Variants in SCARA3 observed in about 807,000 individuals in gnomAD.
The protein encoded by SCARA3 is cellular stress response gene protein.
SCARA3 carries 39 observed loss-of-function variants against 47.0 expected under a neutral mutation model. The observed-to-expected ratio is 0.83, with a 90% CI of 0.64 to 1.08. The LOEUF (loss-of-function observed/expected upper bound fraction) is 1.08. Ranked by LOEUF, SCARA3 falls within the 50% of genes least tolerant of loss-of-function variation. The probability of loss-of-function intolerance (pLI) is 0.00; values close to 1 mark genes in which losing one functional copy is unlikely to be tolerated. For missense variants in SCARA3, 724 were observed against 792.3 expected, an observed-to-expected ratio of 0.91 and a Z score of 1.04; for synonymous variants, 356 against 334.1, an observed-to-expected ratio of 1.07 and a Z score of -0.71.
rs201628257 is a variant in SCARA3 at position 27,658,967 on chromosome 8, G to T, written c.797G>T (p.Arg266Leu). ...TACACACGGCTCTTCAGCGGCCTGCGCACCACCTCCACCAAGACTGGAGAG... is the reference window on the plus strand; with the variant it reads ...TACACACGGCTCTTCAGCGGCCTGCTCACCACCTCCACCAAGACTGGAGAG... ...QNYTRLFSGL[R>L]TTSTKTGEAV... Residue 266 changes from arginine to leucine, a missense_variant, in exon 5 of 6, where the codon CGC becomes CTC. Physicochemically the swap from Arg to Leu is moderately radical, Grantham distance 102 (BLOSUM62 -2). Coordinates refer to ENST00000301904, the MANE Select transcript of SCARA3 (RefSeq NM_016240.3). 1.2e-6 allele frequency: 2 copies of T among 1,614,028 alleles called. No homozygotes were observed. Among genetic ancestry groups the T allele is most frequent in the Non-Finnish European group, 1.7e-6 (2 of 1,180,000 alleles).
the SCARA3 span, among the ~76,000 whole-genome samples, chr8:27,692,227 C>A: frequency 6.6e-6 from 1 of 152,120 alleles, no homozygotes; most frequent in Non-Finnish European, 1.5e-5. Flanking sequence ...CGAGACCAGC[C>A]TGACCAACAT....
chr8:27,650,273 G>T (rs1175219106), intron 2 of SCARA3, among the ~76,000 whole-genome samples: 1 of 152,156 alleles, frequency 6.6e-6, no homozygotes, highest in Non-Finnish European at 1.5e-5. Context: ...GGGGTTACAG[G>T]TGTGAGCCAC....
the SCARA3 span, among the ~76,000 whole-genome samples, chr8:27,732,407 T>C: frequency 3.9e-5 from 6 of 152,228 alleles, no homozygotes; most frequent in Non-Finnish European, 7.3e-5. Flanking sequence ...CATCTGGCTA[T>C]GGTGTAGACC....
the SCARA3 span, among the ~76,000 whole-genome samples, chr8:27,695,410 T>C: frequency 2.0e-5 from 3 of 152,210 alleles, no homozygotes; most frequent in Non-Finnish European, 2.9e-5. Flanking sequence ...ATTAATGTTC[T>C]TCACGGGTAA....
chr8:27,711,668 G>A, the SCARA3 span, among the ~76,000 whole-genome samples: 810 of 151,896 alleles, frequency 5.3e-3, 9 homozygotes, highest in African/African-American at 0.019. Context: ...GACAGAGCTA[G>A]GAAATATATA....
chr8:27,695,246 A>T, the SCARA3 span, among the ~76,000 whole-genome samples: 2 of 152,198 alleles, frequency 1.3e-5, no homozygotes, highest in Non-Finnish European at 2.9e-5. Flanking sequence ...AACTAACTAA[A>T]ACCAAGCCCT....
chr8:27,676,396 G>C (rs918755048), downstream of SCARA3, among the ~76,000 whole-genome samples: 24 of 152,180 alleles, frequency 1.6e-4, no homozygotes, highest in African/African-American at 5.8e-4. Context: ...CTGGCTGGGA[G>C]AGTTGGCAAC....
downstream of SCARA3, chr8:27,679,871 T>C (rs1015050060): frequency 1.3e-5 from 2 of 152,172 alleles, no homozygotes; most frequent in East Asian, 3.8e-4. Context: ...ATTGGAACGA[T>C]ACAGAGATTA....
In SCARA3 at chr8:27,646,975, C is replaced by A. The variant is rs1183812480; in HGVS notation, c.8-2727C>A. On this transcript the variant is annotated intron_variant, in intron 1 of 5. Transcript: ENST00000301904. ...GCCCGCACCCCTGACCGCCCCCGCC[C>A]CCCCCCCGCACACACACACTATTGC... 9.8e-5 allele frequency among the ~76,000 whole-genome samples: 10 copies of A among 102,550 alleles called. 1 individual carries two copies. The highest frequency in any genetic ancestry group is 6.0e-4 in the East Asian group (1 of 1,658). The allele number at this position is 102,550 out of a possible 152,430, so 67.3% of individuals were successfully genotyped here. A position where few individuals can be genotyped will look rare whatever the true frequency, so the allele number is the denominator to read the frequency against.
intron 1 of SCARA3, among the ~76,000 whole-genome samples, chr8:27,641,878 C>T (rs897624151): frequency 6.6e-6 from 1 of 152,166 alleles, no homozygotes; most frequent in African/African-American, 2.4e-5. Context: ...AGAATTCATC[C>T]AATCCAGGTG....
downstream of SCARA3, among the ~76,000 whole-genome samples, chr8:27,673,950 A>AGGGGTTT (rs1216066216): frequency 6.6e-6 from 1 of 152,076 alleles, no homozygotes; most frequent in Non-Finnish European, 1.5e-5. Context: ...AGAGCAGTTG[A>AGGGGTTT]GGGGTTTGCT....
chr8:27,720,648 C>A, the SCARA3 span, among the ~76,000 whole-genome samples: 1 of 151,398 alleles, frequency 6.6e-6, no homozygotes, highest in Admixed American at 6.6e-5. Flanking sequence ...ATCCATCCAT[C>A]CATCCATCCA....
chr8:27,708,891 A>T, the SCARA3 span, among the ~76,000 whole-genome samples: 1 of 152,318 alleles, frequency 6.6e-6, no homozygotes, highest in African/African-American at 2.4e-5. Context: ...GTGAGTTTCT[A>T]TTCCCACTTT....
intron 5 of SCARA3, among the ~76,000 whole-genome samples, chr8:27,660,618 T>TGATAGATGATAGATA (rs1757424883): frequency 7.6e-6 from 1 of 130,882 alleles, no homozygotes; most frequent in Non-Finnish European, 1.7e-5. Context: ...TAGAGATAGA[T>TGATAGATGATAGATA]GATAGATAGA....
chr8:27,643,408 G>A (rs1801424908), intron 1 of SCARA3, among the ~76,000 whole-genome samples: 2 of 152,140 alleles, frequency 1.3e-5, no homozygotes, highest in South Asian at 4.1e-4. Context: ...AGTGCTGGAG[G>A]AGAGAAACTG....
At chr8:27,697,334 C>A in the SCARA3 span, 1 of 205,846 alleles carries the variant, frequency 4.9e-6, no homozygotes, top group Non-Finnish European at 1.0e-5. Flanking sequence ...TCTGAGCAGG[C>A]GTCCCACGCC....
intron 5 of SCARA3, among the ~76,000 whole-genome samples, chr8:27,667,121 T>G (rs1160040182): frequency 6.6e-6 from 1 of 152,182 alleles, no homozygotes. Flanking sequence ...TGCCTTGTTA[T>G]TGGCAGGGTC....
the SCARA3 span, chr8:27,702,609 G>A: frequency 6.6e-6 from 1 of 152,320 alleles, no homozygotes; most frequent in Non-Finnish European, 1.5e-5. Flanking sequence ...TGTCCCTCAG[G>A]GCCTCCTTTG....
chr8:27,722,582 G>A, the SCARA3 span, among the ~76,000 whole-genome samples: 2 of 152,090 alleles, frequency 1.3e-5, no homozygotes, highest in South Asian at 4.1e-4. Context: ...TCTGCCCCTG[G>A]CCATTGGCCT....
Sources: gnomAD v4.1 joint callset for allele counts (sites outside exome capture counted in the v4.1 genomes callset) on GRCh38, gnomAD v4.1.1 for gene constraint, MANE v1.5 for transcripts, NCBI Gene and HGNC (gene_info 2026-07-23, HGNC 2026-07-21) for gene names.